The following ATP9A variants were observed in gnomAD, a reference collection of about 807,000 sequenced individuals.
The protein encoded by ATP9A is ATPase phospholipid transporting 9A.
A neutral mutation model predicts 144.1 loss-of-function variants in ATP9A; 52 were observed. The ratio of observed to expected loss-of-function variants is 0.36; its 90% confidence interval spans 0.29 to 0.45. The LOEUF (loss-of-function observed/expected upper bound fraction) is 0.45, where lower values mean the gene tolerates loss of function less well. ATP9A is among the 20% of genes least tolerant of loss of function. ATP9A has a pLI of 1.00. For synonymous variants in ATP9A, 582 were observed against 557.4 expected, an observed-to-expected ratio of 1.04 and a Z score of -0.62; for missense variants, 947 against 1,392.7, an observed-to-expected ratio of 0.68 and a Z score of 5.09.
intron 14 of ATP9A, among the ~76,000 whole-genome samples, chr20:51,647,805 C>T (rs1568801799): frequency 6.6e-6 from 1 of 152,112 alleles, no homozygotes; most frequent in African/African-American, 2.4e-5. Flanking sequence ...TCACATGGGA[C>T]AGAGCTTTTG....
In ATP9A at chr20:51,707,585, G is replaced by A. The variant is rs78669615; in HGVS notation, c.436+5381C>T. On this transcript the variant is annotated intron_variant, in intron 4 of 27. Coordinates refer to ENST00000338821, the MANE Select transcript of ATP9A (RefSeq NM_006045.3). ...AGAACTTAAAGGATCTACCCAGGTG[G>A]AAGCAGGACTCCTGAACCCTGGCAG... 8.5e-3 allele frequency among the ~76,000 whole-genome samples: 1,297 copies of A among 152,250 alleles called. 26 individuals are homozygous for A. Among genetic ancestry groups the A allele is most frequent in the East Asian group, 0.039 (203 of 5,170 alleles).
chr20:51,621,185 C>T (rs540008485), intron 19 of ATP9A, among the ~76,000 whole-genome samples: 116 of 150,836 alleles, frequency 7.7e-4, no homozygotes, highest in South Asian at 5.5e-3. Flanking sequence ...AGCCACTCTA[C>T]GTATGACAGT....
chr20:51,652,315 A>G (rs1342376842), intron 14 of ATP9A, among the ~76,000 whole-genome samples: 1 of 152,252 alleles, frequency 6.6e-6, no homozygotes, highest in Non-Finnish European at 1.5e-5. Flanking sequence ...AGGTTCCCCA[A>G]CTGGAATGTG....
chr20:51,705,750 A>C (rs537505226), intron 4 of ATP9A, among the ~76,000 whole-genome samples: 2 of 152,206 alleles, frequency 1.3e-5, no homozygotes, highest in African/African-American at 4.8e-5. Flanking sequence ...ACCCCCATTA[A>C]ACTTTTGGTT....
chr20:51,707,512 C>T (rs2077619692), intron 4 of ATP9A, among the ~76,000 whole-genome samples: 1 of 152,128 alleles, frequency 6.6e-6, no homozygotes, highest in Non-Finnish European at 1.5e-5. Flanking sequence ...TTACAGCAAC[C>T]CTTTAAGGTA....
At chr20:51,689,893 C>T (rs562073517) in intron 8 of ATP9A, among the ~76,000 whole-genome samples, 2 of 148,140 alleles carry the variant, frequency 1.4e-5, no homozygotes, top group Admixed American at 1.3e-4. Flanking sequence ...GGTGGATCAC[C>T]TGAGGTCAGG....
At chr20:51,710,891 G>A (rs6126314) in intron 4 of ATP9A, among the ~76,000 whole-genome samples, 33,526 of 152,028 alleles carry the variant, frequency 0.22, 4,339 homozygotes, top group East Asian at 0.45. Flanking sequence ...GTCGAAGCCC[G>A]GATGGATGAA....
chr20:51,653,294 G>A (rs144817875), intron 14 of ATP9A, among the ~76,000 whole-genome samples: 2,024 of 152,024 alleles, frequency 0.013, 21 homozygotes, highest in Non-Finnish European at 0.021. Context: ...GAGAAAAAGC[G>A]GCCGAGAAGT....
At chr20:51,763,314 CTT>C (rs199506194) in intron 1 of ATP9A, among the ~76,000 whole-genome samples, 34 of 135,084 alleles carry the variant, frequency 2.5e-4, no homozygotes, top group Admixed American at 4.5e-4. Flanking sequence ...GGTTTACATA[CTT>C]TTTTTTTTTT....
chr20:51,762,543 C>T (rs1022435326), intron 1 of ATP9A, among the ~76,000 whole-genome samples: 2 of 151,674 alleles, frequency 1.3e-5, no homozygotes, highest in Admixed American at 6.6e-5. Flanking sequence ...CCTGTAATCC[C>T]AGCTACGCAG....
At chr20:51,723,865 T>C (rs1323533563) in intron 3 of ATP9A, among the ~76,000 whole-genome samples, 3 of 152,034 alleles carry the variant, frequency 2.0e-5, no homozygotes, top group South Asian at 2.1e-4. Context: ...TAAAAGCAAA[T>C]TCTTTAATTA....
At chr20:51,662,181 A>G (rs1568808664) in intron 13 of ATP9A, among the ~76,000 whole-genome samples, 1 of 152,326 alleles carries the variant, frequency 6.6e-6, no homozygotes, top group East Asian at 1.9e-4. Context: ...GTGCTAGCAC[A>G]AGGTTGGATC....
chr20:51,690,261 A>T (rs1488331485), intron 8 of ATP9A, among the ~76,000 whole-genome samples: 2 of 152,218 alleles, frequency 1.3e-5, no homozygotes, highest in East Asian at 3.9e-4. Flanking sequence ...TCTACTAAAA[A>T]TACAAAAAAT....
intron 3 of ATP9A, 138 bp downstream of exon 3, chr20:51,725,681 C>T (rs1011038164): frequency 1.3e-5 from 8 of 617,844 alleles, no homozygotes; most frequent in African/African-American, 9.1e-5. Context: ...GTCTCAGAGA[C>T]TCCCAATGTA....
intron 13 of ATP9A, among the ~76,000 whole-genome samples, chr20:51,667,576 G>C (rs2077437981): frequency 2.0e-5 from 3 of 152,116 alleles, no homozygotes; most frequent in Admixed American, 2.0e-4. Flanking sequence ...GAAAGGGGAG[G>C]GGATGAAGAC....
intron 9 of ATP9A, among the ~76,000 whole-genome samples, chr20:51,683,272 T>G (rs2077508222): frequency 1.3e-5 from 2 of 151,716 alleles, no homozygotes; most frequent in Non-Finnish European, 2.9e-5. Context: ...TTGTTTGTTT[T>G]TATTTTTTTT....
At chr20:51,707,513 C>T (rs2077619709) in intron 4 of ATP9A, among the ~76,000 whole-genome samples, 1 of 152,182 alleles carries the variant, frequency 6.6e-6, no homozygotes, top group African/African-American at 2.4e-5. Flanking sequence ...TACAGCAACC[C>T]TTTAAGGTAG....
rs561789092 is a variant in ATP9A at position 51,630,136 on chromosome 20, C to T, written c.1669-1064G>A. ...GCTCACCCTCCTACATCACACAGGA[C>T]GCCCCCAACCACCACCAGGAACTCC... On this transcript the variant is annotated intron_variant, in intron 15 of 27. Transcript: ENST00000338821. 6.6e-5 allele frequency among the ~76,000 whole-genome samples: 10 copies of T among 152,308 alleles called. No homozygotes were observed. In the East Asian group the frequency reaches 7.7e-4, roughly 12 times the overall value.
chr20:51,699,911 G>A (rs1285549995), intron 4 of ATP9A, among the ~76,000 whole-genome samples: 2 of 152,112 alleles, frequency 1.3e-5, no homozygotes, highest in African/African-American at 4.8e-5. Flanking sequence ...AAAGTGCTGG[G>A]ATTACAGGCA....
Sources: gnomAD v4.1 joint callset for allele counts (sites outside exome capture counted in the v4.1 genomes callset) on GRCh38, gnomAD v4.1.1 for gene constraint, MANE v1.5 for transcripts, NCBI Gene and HGNC (gene_info 2026-07-23, HGNC 2026-07-21) for gene names.